Variants in AKAP6 observed in about 807,000 individuals in gnomAD.
AKAP6 encodes A-kinase anchor protein 6.
AKAP6 carries 58 observed loss-of-function variants against 188.5 expected under a neutral mutation model. The observed-to-expected ratio is 0.31, with a 90% CI of 0.25 to 0.38. The LOEUF (loss-of-function observed/expected upper bound fraction) is 0.38. Ranked by LOEUF, AKAP6 falls within the 10% of genes least tolerant of loss-of-function variation. The probability of loss-of-function intolerance (pLI) is 1.00; values close to 1 mark genes in which losing one functional copy is unlikely to be tolerated. For synonymous variants in AKAP6, 989 were observed against 998.6 expected (o/e 0.99, Z 0.18); for missense variants, 2,710 against 2,740.0 (o/e 0.99, Z 0.24).
At position 32,605,195 on chromosome 14, in the gene AKAP6, A is replaced by G. The variant is rs1264844271; in HGVS notation, c.2730+4403A>G. On this transcript the variant is annotated intron_variant, in intron 7 of 13. Transcript: ENST00000280979. Reference sequence around the variant, plus strand: ...AAATATTATAATGGATCTGATAAATACTCTGATAGAGATAGGAACAAAGTG... The same window carrying G: ...AAATATTATAATGGATCTGATAAATGCTCTGATAGAGATAGGAACAAAGTG... Among the ~76,000 whole-genome samples the G allele has an allele frequency of 2.0e-5, 3 of 152,340 alleles. No homozygotes were observed. The East Asian group carries it at 5.8e-4, about 29-fold the overall frequency.
At chr14:32,404,214 G>A (rs901864527) in intron 1 of AKAP6, among the ~76,000 whole-genome samples, 3 of 152,084 alleles carry the variant, frequency 2.0e-5, no homozygotes, top group Admixed American at 6.6e-5. Context: ...GAAATGCAAA[G>A]GATTCTGACA....
chr14:32,735,344 C>T (rs1461004083), intron 10 of AKAP6, among the ~76,000 whole-genome samples: 1 of 152,012 alleles, frequency 6.6e-6, no homozygotes, highest in Non-Finnish European at 1.5e-5. Context: ...GAATTTTTAT[C>T]TTGCGAACTA....
chr14:32,481,802 G>A (rs1566529932), intron 2 of AKAP6, among the ~76,000 whole-genome samples: 1 of 152,138 alleles, frequency 6.6e-6, no homozygotes. Flanking sequence ...AACTTTCTTT[G>A]ACTTGTGTAT....
At chr14:32,759,870 T>C (rs2032478860) in intron 11 of AKAP6, among the ~76,000 whole-genome samples, 1 of 152,126 alleles carries the variant, frequency 6.6e-6, no homozygotes, top group South Asian at 2.1e-4. Flanking sequence ...ACCTCCAGCA[T>C]AGGGGATTAC....
chr14:32,789,442 G>A (rs1409900226), intron 12 of AKAP6, among the ~76,000 whole-genome samples: 5 of 152,164 alleles, frequency 3.3e-5, no homozygotes, highest in Admixed American at 1.3e-4. Context: ...TCCCAACAGG[G>A]GTCTCCAGCC....
chr14:32,750,374 A>C (rs999098584), intron 11 of AKAP6, among the ~76,000 whole-genome samples: 3 of 152,066 alleles, frequency 2.0e-5, no homozygotes, highest in African/African-American at 7.2e-5. Context: ...TTACTAATAT[A>C]ATTATGTCCT....
At chr14:32,427,170 T>TC in intron 1 of AKAP6, among the ~76,000 whole-genome samples, 1 of 152,318 alleles carries the variant, frequency 6.6e-6, no homozygotes, top group Middle Eastern at 3.4e-3. Context: ...GTCCTTCTCC[T>TC]CACTGACATC....
intron 11 of AKAP6, among the ~76,000 whole-genome samples, chr14:32,767,245 A>C (rs1218823850): frequency 6.6e-6 from 1 of 152,138 alleles, no homozygotes; most frequent in Non-Finnish European, 1.5e-5. Context: ...ACACTAGGTG[A>C]TATTTTGTTT....
chr14:32,533,953 T>A (rs1332095228), intron 2 of AKAP6, among the ~76,000 whole-genome samples: 1 of 152,216 alleles, frequency 6.6e-6, no homozygotes, highest in Non-Finnish European at 1.5e-5. Flanking sequence ...TTTAAACTTT[T>A]GCTCTGTTTC....
At chr14:32,384,940 G>A (rs373145082) in intron 1 of AKAP6, 25 of 152,156 alleles carry the variant, frequency 1.6e-4, no homozygotes, top group African/African-American at 6.0e-4. Flanking sequence ...TTCAACTTAT[G>A]GTAATGGGTG....
At chr14:32,603,098 T>C (rs559290033) in intron 7 of AKAP6, among the ~76,000 whole-genome samples, 14 of 152,238 alleles carry the variant, frequency 9.2e-5, no homozygotes, top group South Asian at 4.1e-4. Flanking sequence ...CAGGGAGGGA[T>C]TGTCATTCTG....
chr14:32,535,664 C>A lies in AKAP6; in HGVS notation c.435C>A (p.His145Gln). 2 of 1,614,216 alleles carry A rather than the reference C, an allele frequency of 1.2e-6. No homozygotes were observed. Among genetic ancestry groups the A allele is most frequent in the Non-Finnish European group, 8.5e-7 (1 of 1,180,024 alleles). The change falls in exon 3 of 14, where the codon CAC (histidine) becomes CAA (glutamine). Residue 145 changes from histidine (H) to glutamine (Q), a missense_variant. His to Gln is a conservative substitution (Grantham distance 24, BLOSUM62 0). Coordinates refer to ENST00000280979, the MANE Select transcript of AKAP6 (RefSeq NM_004274.5). ...CTGTCAACGTGATAGTGGACATCCACGCAGTGCAGCTCCTCTGGCACCAGC... is the reference window on the plus strand; with the variant it reads ...CTGTCAACGTGATAGTGGACATCCAAGCAGTGCAGCTCCTCTGGCACCAGC... Reference protein sequence around the residue: ...SYSVNVIVDIHAVQLLWHQLR... With the variant: ...SYSVNVIVDIQAVQLLWHQLR...
At chr14:32,736,770 C>T (rs1035968683) in intron 11 of AKAP6, among the ~76,000 whole-genome samples, 14 of 145,384 alleles carry the variant, frequency 9.6e-5, no homozygotes, top group Admixed American at 8.6e-4. Context: ...ACCTTGCCTG[C>T]AATCATCCAG....
At chr14:32,740,802 A>T (rs946977507) in intron 11 of AKAP6, among the ~76,000 whole-genome samples, 2 of 151,658 alleles carry the variant, frequency 1.3e-5, no homozygotes, top group Non-Finnish European at 3.0e-5. Flanking sequence ...GAAGTCAGGT[A>T]TACAGTTTTA....
At chr14:32,696,243 C>A in intron 9 of AKAP6, 133 bp downstream of exon 9, 1 of 1,185,968 alleles carries the variant, frequency 8.4e-7, no homozygotes, top group Non-Finnish European at 1.1e-6. Context: ...CCTTCCCTGT[C>A]CCCAAACTCA....
intron 2 of AKAP6, among the ~76,000 whole-genome samples, chr14:32,440,005 A>G (rs1890518047): frequency 6.6e-6 from 1 of 152,168 alleles, no homozygotes; most frequent in African/African-American, 2.4e-5. Context: ...ATCTTAACCC[A>G]TTTAGCAGGT....
chr14:32,385,923 T>C (rs1888520724), intron 1 of AKAP6, among the ~76,000 whole-genome samples: 1 of 148,846 alleles, frequency 6.7e-6, no homozygotes, highest in South Asian at 2.1e-4. Flanking sequence ...TCATATATTA[T>C]AGTTCATATA....
chr14:32,708,573 A>C (rs1890909595), intron 9 of AKAP6, among the ~76,000 whole-genome samples: 1 of 152,076 alleles, frequency 6.6e-6, no homozygotes, highest in East Asian at 1.9e-4. Flanking sequence ...CCACATTTTC[A>C]TTTTTAAAAA....
At chr14:32,679,064 T>C (rs1170400530) in intron 8 of AKAP6, among the ~76,000 whole-genome samples, 3 of 152,192 alleles carry the variant, frequency 2.0e-5, no homozygotes, top group African/African-American at 7.2e-5. Context: ...TAACTATTCA[T>C]ACTATTGAAC....
Sources: allele counts gnomAD v4.1 joint callset (sites outside exome capture counted in the v4.1 genomes callset), GRCh38; gene constraint gnomAD v4.1.1; transcripts MANE v1.5; gene names NCBI Gene and HGNC (gene_info 2026-07-23, HGNC 2026-07-21).